Variants in ATAD5 observed in about 807,000 individuals in gnomAD.
The protein encoded by ATAD5 is ATPase family AAA domain containing 5, also known as ATPase family AAA domain-containing protein 5.
ATAD5 carries 58 observed loss-of-function variants against 176.9 expected under a neutral mutation model. The ratio of observed to expected loss-of-function variants is 0.33; its 90% CI spans 0.27 to 0.41. The LOEUF (loss-of-function observed/expected upper bound fraction) is 0.41. Ranked by LOEUF, ATAD5 falls within the 10% of genes least tolerant of loss-of-function variation. The pLI, the probability that ATAD5 is intolerant of heterozygous loss-of-function variation, is 1.00. For missense variants in ATAD5, 1,789 were observed against 2,094.1 expected, an observed-to-expected ratio of 0.85 and a Z score of 2.84; for synonymous variants, 640 against 712.6, an observed-to-expected ratio of 0.90 and a Z score of 1.62.
chr17:30,855,612 G>A (rs1400933498), intron 7 of ATAD5, among the ~76,000 whole-genome samples: 2 of 152,124 alleles, frequency 1.3e-5, no homozygotes, highest in Non-Finnish European at 2.9e-5. Context: ...CAATGCAGGA[G>A]AAGAGCTTGA....
intron 3 of ATAD5, among the ~76,000 whole-genome samples, chr17:30,838,568 G>A (rs543678729): frequency 2.6e-5 from 4 of 152,260 alleles, no homozygotes; most frequent in South Asian, 2.1e-4. Context: ...TTAGAAAGAC[G>A]GTCTTTAGTC....
chr17:30,837,895 A>G (rs1187139020), intron 3 of ATAD5, among the ~76,000 whole-genome samples: 2 of 152,208 alleles, frequency 1.3e-5, no homozygotes, highest in Non-Finnish European at 2.9e-5. Context: ...AACACTGCCT[A>G]TAGGTCATGA....
intron 19 of ATAD5, among the ~76,000 whole-genome samples, chr17:30,889,059 C>CAAA (rs58343790): frequency 1.2e-5 from 1 of 82,260 alleles, no homozygotes; most frequent in Non-Finnish European, 2.5e-5. Context: ...GACTCTGTCT[C>CAAA]AAAAAAAAAA....
rs2142372742 is a variant in ATAD5 at position 30,860,442 on chromosome 17, C to T, written c.2966C>T (p.Ala989Val). 6.3e-7 allele frequency: 1 copy of T among 1,588,782 alleles called. No individual in the cohort carries two copies. The highest frequency in any genetic ancestry group is 8.5e-7 in the Non-Finnish European group (1 of 1,174,252). Residue 989 changes from alanine to valine, a missense_variant, in exon 10 of 23, where the codon GCT (alanine) becomes GTT (valine). Physicochemically the swap from Ala to Val is moderately conservative, Grantham distance 64. Around this residue, in one of 6 missense-constraint regions of ATAD5, gnomAD observed 487 missense variants for 573.6 expected, o/e 0.85. Coordinates refer to ENST00000321990, the MANE Select transcript of ATAD5 (RefSeq NM_024857.5). ...TTAATTCCCAAAGCAGAACTGGAGG[C>T]TGATGTCAGCCATAAAGAAACCAAA... is the stretch of plus-strand genomic sequence containing the variant. ...SECHSKQELE[A>V]DVSHKETKRK...
chr17:30,848,307 G>T (rs1006088667), intron 6 of ATAD5, among the ~76,000 whole-genome samples: 1 of 151,606 alleles, frequency 6.6e-6, no homozygotes, highest in African/African-American at 2.4e-5. Context: ...GTATAGTGGC[G>T]CAATTACAGC....
At chr17:30,877,625 T>C (rs1908748376) in intron 16 of ATAD5, 76 bp downstream of exon 16, 1 of 1,423,594 alleles carries the variant, frequency 7.0e-7, no homozygotes, top group African/African-American at 1.5e-5. Context: ...TGTTTTCTTA[T>C]AAAGAATTGT....
In ATAD5 at chr17:30,892,758, C is replaced by G. The variant is rs376240524; in HGVS notation, c.4410C>G (p.Ser1470=). 1.9e-6 allele frequency: 3 copies of G among 1,570,964 alleles called. No homozygotes were observed. Among genetic ancestry groups the G allele is most frequent in the Non-Finnish European group, 2.6e-6 (3 of 1,162,686 alleles). Residue 1470 remains serine (S), a synonymous_variant, in exon 20 of 23, where the codon TCC becomes TCG. Transcript: ENST00000321990. The part of the protein sequence containing the change: ...ETLFGLKNIF[S]PSEDLFSFLK... Reference sequence around the variant, plus strand: ...TGTTTGGCCTTAAGAACATTTTTTCCCCATCTGAAGACTTATTTTCATTTT... The same window carrying G: ...TGTTTGGCCTTAAGAACATTTTTTCGCCATCTGAAGACTTATTTTCATTTT...
chr17:30,883,630 T>G (rs1909151605), intron 18 of ATAD5, among the ~76,000 whole-genome samples: 1 of 151,612 alleles, frequency 6.6e-6, no homozygotes, highest in South Asian at 2.1e-4. Flanking sequence ...CACTGCAAGC[T>G]CCACCTCCCA....
intron 19 of ATAD5, among the ~76,000 whole-genome samples, chr17:30,890,427 T>G (rs1909575970): frequency 6.9e-6 from 1 of 144,820 alleles, no homozygotes; most frequent in Non-Finnish European, 1.5e-5. Flanking sequence ...TCTTTTTTTT[T>G]TTTTTTTTTT....
chr17:30,834,436 T>G lies in ATAD5; in HGVS notation c.355T>G (p.Leu119Val). 1 of 1,597,906 alleles carries G rather than the reference T, an allele frequency of 6.3e-7. No homozygotes were observed. Among genetic ancestry groups the G allele is most frequent in the Non-Finnish European group, 8.5e-7 (1 of 1,173,406 alleles). The change falls in exon 2 of 23, where the codon TTA becomes GTA. Residue 119 changes from leucine to valine, a missense_variant. Coordinates refer to ENST00000321990, the MANE Select transcript of ATAD5 (RefSeq NM_024857.5). ...TAAGAAGAAAAGAAAGAGGGTTAAT[T>G]TATCTCATCAACTAAATAATATTAA... ...EFKKKRKRVN[L>V]SHQLNNIKTE... is the part of the protein sequence containing the mutation.
At chr17:30,863,090 C>T (rs1441765943) in intron 10 of ATAD5, 1 of 152,124 alleles carries the variant, frequency 6.6e-6, no homozygotes, top group African/African-American at 2.4e-5. Flanking sequence ...CTCAGCTCCA[C>T]AGGAGGCTGA....
At chr17:30,840,044 G>C (rs562556616) in intron 3 of ATAD5, among the ~76,000 whole-genome samples, 2 of 151,600 alleles carry the variant, frequency 1.3e-5, no homozygotes. Flanking sequence ...CTAAAAATAC[G>C]AAAATTAGCT....
At chr17:30,871,355 T>A (rs1183576686) in intron 14 of ATAD5, among the ~76,000 whole-genome samples, 4 of 151,862 alleles carry the variant, frequency 2.6e-5, no homozygotes, top group Non-Finnish European at 1.5e-5. Context: ...TGTGTAATTT[T>A]TGTTTTTTTG....
Position 30,868,320 on chromosome 17 carries a change from T to G in ATAD5, c.3234-13T>G. Reference sequence around the variant, plus strand: ...ATTCTGTGAATTATTTTTATTATGTTTTCTTGTGGCAGTTGGTTGAAAGAC... The same window carrying G: ...ATTCTGTGAATTATTTTTATTATGTGTTCTTGTGGCAGTTGGTTGAAAGAC... On this transcript the variant is annotated splice_polypyrimidine_tract_variant and intron_variant, in intron 11 of 22. Coordinates refer to ENST00000321990, the MANE Select transcript of ATAD5 (RefSeq NM_024857.5). 2 of 1,558,704 alleles carry G rather than the reference T, an allele frequency of 1.3e-6. No individual in the cohort carries two copies. The highest frequency in any genetic ancestry group is 2.3e-5 in the East Asian group (1 of 43,030).
chr17:30,854,620 C>G lies in ATAD5; in HGVS notation c.2451-523C>G, dbSNP rs147582079. ...CTCCTGACCTCAGGTGATCCACCCT[C>G]CTCGGCCTCCCAAAGTGCTGGGATT... is the stretch of plus-strand genomic sequence containing the variant. On this transcript the variant is annotated intron_variant, in intron 6 of 22. Coordinates refer to ENST00000321990, the MANE Select transcript of ATAD5 (RefSeq NM_024857.5). Among the ~76,000 whole-genome samples the G allele has an allele frequency of 1.7e-4, 26 of 152,094 alleles. No homozygotes were observed. The East Asian group carries it at 4.3e-3, about 25-fold the overall frequency.
chr17:30,889,312 G>A (rs1394553983), intron 19 of ATAD5, among the ~76,000 whole-genome samples: 2 of 150,632 alleles, frequency 1.3e-5, no homozygotes, highest in Non-Finnish European at 3.0e-5. Context: ...AGGCCACTGT[G>A]TTCAGCTTCC....
rs764766353 is a variant in ATAD5, at chr17:30,869,406, G to T, written c.3456+16G>T. On this transcript the variant is annotated intron_variant, in intron 13 of 22. Coordinates refer to ENST00000321990, the MANE Select transcript of ATAD5 (RefSeq NM_024857.5). ...TGGATTTAAGGTTAGTAACAGCTATGATGAGAGAATGTTAATGTAATAATT... is the reference window on the plus strand; with the variant it reads ...TGGATTTAAGGTTAGTAACAGCTATTATGAGAGAATGTTAATGTAATAATT... 1.2e-6 allele frequency: 2 copies of T among 1,610,744 alleles called. No individual in the cohort carries two copies.
intron 10 of ATAD5, among the ~76,000 whole-genome samples, chr17:30,865,308 G>T (rs1680974425): frequency 6.6e-6 from 1 of 151,998 alleles, no homozygotes; most frequent in Admixed American, 6.6e-5. Flanking sequence ...GAGTAGCTGG[G>T]ACTACAGGCC....
intron 18 of ATAD5, among the ~76,000 whole-genome samples, chr17:30,886,205 T>G (rs1238995032): frequency 6.6e-6 from 1 of 151,282 alleles, no homozygotes; most frequent in Non-Finnish European, 1.5e-5. Flanking sequence ...TTTGTTAGCT[T>G]TAAGTATTAA....
Sources: gnomAD v4.1 joint callset for allele counts (sites outside exome capture counted in the v4.1 genomes callset) on GRCh38, gnomAD v4.1.1 for gene constraint, gnomAD v4.1.1 regional missense constraint, MANE v1.5 for transcripts, NCBI Gene and HGNC (gene_info 2026-07-23, HGNC 2026-07-21) for gene names.